GLB1: variants seen among roughly 807,000 people sequenced by gnomAD.
GLB1 encodes the protein galactosidase beta 1.
In GLB1, 56 loss-of-function variants were observed where a neutral mutation model predicts 74.0. The ratio of observed to expected loss-of-function variants is 0.76; its 90% CI spans 0.61 to 0.94. The LOEUF (loss-of-function observed/expected upper bound fraction) is 0.94. Ranked by LOEUF, GLB1 falls within the 40% of genes least tolerant of loss-of-function variation. The pLI, the probability that GLB1 is intolerant of heterozygous loss-of-function variation, is 0.00. For missense variants in GLB1, 787 were observed against 845.5 expected (o/e 0.93, Z 0.86); for synonymous variants, 323 against 323.6 (o/e 1.00, Z 0.02).
At position 33,004,466 on chromosome 3, in the gene GLB1, T is replaced by C. The variant is rs575999815; in HGVS notation, c.1735-7122A>G. The stretch of plus-strand genomic sequence containing the variant: ...TCCATGGTCAGAAGGTGCCTAAGCA[T>C]GCTACTTTTCAGGAAAGTGAGTGAC... On this transcript the variant is annotated intron_variant, in intron 15 of 15. Coordinates refer to ENST00000307363, the MANE Select transcript of GLB1 (RefSeq NM_000404.4). Among the ~76,000 whole-genome samples, 45 of 152,358 alleles carry C rather than the reference T, an allele frequency of 3.0e-4. 1 individual carries two copies. The highest frequency in any genetic ancestry group is 8.3e-4 in the South Asian group (4 of 4,826).
chr3:33,074,250 C>T (rs949709445), intron 1 of GLB1, among the ~76,000 whole-genome samples: 26 of 147,870 alleles, frequency 1.8e-4, no homozygotes, highest in South Asian at 8.7e-4. Context: ...GTGGAGGTTG[C>T]GGTGAGCCGA....
At chr3:33,009,266 G>A (rs996987068) in intron 15 of GLB1, among the ~76,000 whole-genome samples, 3 of 152,168 alleles carry the variant, frequency 2.0e-5, no homozygotes, top group African/African-American at 2.4e-5. Flanking sequence ...GTTCATGCCT[G>A]TAATCCCAGC....
chr3:33,091,264 CG>C (rs1264285678), intron 1 of GLB1: 8 of 985,448 alleles, frequency 8.1e-6, no homozygotes, highest in Non-Finnish European at 8.4e-6. Context: ...CTGTCAATAC[CG>C]TGGCTGCCTG....
At chr3:33,063,827 G>A (rs60749629) in intron 5 of GLB1, among the ~76,000 whole-genome samples, 9,403 of 152,048 alleles carry the variant, frequency 0.062, 481 homozygotes, top group East Asian at 0.25. Flanking sequence ...TAAAAACTAG[G>A]GGCACGTGGG....
chr3:33,065,470 G>A lies in GLB1; in HGVS notation c.545C>T (p.Thr182Ile), dbSNP rs758577863. 1.3e-6 allele frequency: 2 copies of A among 1,580,026 alleles called. No individual in the cohort carries two copies. Among genetic ancestry groups the A allele is most frequent in the African/African-American group, 1.3e-5 (1 of 74,474 alleles). The change falls in exon 5 of 16, where the codon ACA (threonine) becomes ATA (isoleucine). Residue 182 changes from threonine to isoleucine, a missense_variant. Coordinates refer to ENST00000307363, the MANE Select transcript of GLB1 (RefSeq NM_000404.4). ...GCTCAACTCCAGGGTTACCTGCACT[G>A]TTATAACTGGCCCTCCATTCTGATA... is the stretch of plus-strand genomic sequence containing the variant. ...LLYQNGGPVI[T>I]VQVENEYGSY...
chr3:32,984,239 A>G, the GLB1 span, among the ~76,000 whole-genome samples: 3 of 151,956 alleles, frequency 2.0e-5, no homozygotes, highest in Admixed American at 6.6e-5. Flanking sequence ...CTCAGCATCA[A>G]GGTACTTGTC....
chr3:33,033,510 G>A (rs922404890), intron 10 of GLB1, among the ~76,000 whole-genome samples: 4 of 152,078 alleles, frequency 2.6e-5, no homozygotes, highest in Non-Finnish European at 5.9e-5. Flanking sequence ...AGGCTAGGCG[G>A]GGTGGCTCAC....
chr3:33,096,796 C>T (rs1483739333), intron 1 of GLB1: 25 of 1,348,870 alleles, frequency 1.9e-5, no homozygotes, highest in Non-Finnish European at 2.4e-5. Flanking sequence ...CACAAGCGAC[C>T]GAGCTGCCTG....
chr3:33,055,197 C>T (rs35079906), intron 6 of GLB1, among the ~76,000 whole-genome samples: 17,841 of 152,284 alleles, frequency 0.12, 1,212 homozygotes, highest in Admixed American at 0.17. Context: ...GCCCATCTGC[C>T]CCAGGCACCC....
rs142561099 is a variant in GLB1 at position 33,023,082 on chromosome 3, TA to T, written c.1143+1168del. 2.8e-4 allele frequency among the ~76,000 whole-genome samples: 42 copies of T among 152,386 alleles called. No homozygotes were observed. In the East Asian group the frequency reaches 7.7e-3, roughly 28 times the overall value. ...CTGATTTGCTATCTTCAACTGTATA[TA>T]TTTATTTAAAAATAAAAAGTCATTT... is the stretch of plus-strand genomic sequence containing the variant. On this transcript the variant is annotated intron_variant, in intron 11 of 15. Coordinates refer to ENST00000307363, the MANE Select transcript of GLB1 (RefSeq NM_000404.4).
chr3:33,051,368 G>A lies in GLB1; in HGVS notation c.955+390C>T, dbSNP rs546075835. 5.3e-5 allele frequency among the ~76,000 whole-genome samples: 8 copies of A among 151,782 alleles called. No homozygotes were observed. The South Asian group carries it at 1.7e-3, about 32-fold the overall frequency. On this transcript the variant is annotated intron_variant, in intron 9 of 15. Transcript: ENST00000307363. ...TCCTAGCATTTTGGGAGGCCAAAGT[G>A]GGAGGATCACTTGAGGTCAAGAGTT...
At chr3:33,043,072 A>G (rs1698569658) in intron 10 of GLB1, among the ~76,000 whole-genome samples, 1 of 152,252 alleles carries the variant, frequency 6.6e-6, no homozygotes, top group South Asian at 2.1e-4. Context: ...ACATGACAAT[A>G]ATAACATACA....
At position 33,006,420 on chromosome 3, in the gene GLB1, C is replaced by A. The variant is rs536778028; in HGVS notation, c.1734+7636G>T. 7.3e-5 allele frequency among the ~76,000 whole-genome samples: 11 copies of A among 150,052 alleles called. No individual in the cohort carries two copies. The South Asian group carries it at 2.3e-3, about 31-fold the overall frequency. ...AGTTTCATCCCAAAACCATTTCCAC[C>A]CCCCCACCCCTGACCACACAGTCCA... On this transcript the variant is annotated intron_variant, in intron 15 of 15. Coordinates refer to ENST00000307363, the MANE Select transcript of GLB1 (RefSeq NM_000404.4).
intron 10 of GLB1, among the ~76,000 whole-genome samples, chr3:33,041,411 C>T (rs1698494213): frequency 6.6e-6 from 1 of 152,120 alleles, no homozygotes; most frequent in Non-Finnish European, 1.5e-5. Flanking sequence ...CCTGTAATCC[C>T]AGCACTTCGG....
chr3:32,970,408 A>T, the GLB1 span, among the ~76,000 whole-genome samples: 1 of 152,180 alleles, frequency 6.6e-6, no homozygotes, highest in Non-Finnish European at 1.5e-5. Context: ...GATTAAAGGT[A>T]ATCTCTGTAA....
chr3:33,071,462 A>G (rs1015917489), intron 2 of GLB1, among the ~76,000 whole-genome samples: 3 of 152,240 alleles, frequency 2.0e-5, no homozygotes, highest in African/African-American at 7.2e-5. Flanking sequence ...AAAGAGATGC[A>G]GAGAGATAGC....
At chr3:33,053,359 G>T in intron 7 of GLB1, 132 bp downstream of exon 7, 4 of 1,259,718 alleles carry the variant, frequency 3.2e-6, no homozygotes, top group East Asian at 2.4e-5. Context: ...GTCCAGAATG[G>T]CTATGACTCC....
At chr3:32,982,351 A>G in the GLB1 span, among the ~76,000 whole-genome samples, 617 of 151,430 alleles carry the variant, frequency 4.1e-3, 25 homozygotes, top group East Asian at 0.1. Context: ...CATAGATTAT[A>G]TTTATACTAC....
Position 33,097,078 on chromosome 3 carries a change from C to A in GLB1, c.8G>T (p.Gly3Val), listed in dbSNP as rs754282039. 30 of 1,612,464 alleles carry A rather than the reference C, an allele frequency of 1.9e-5. No individual in the cohort carries two copies. Among genetic ancestry groups the A allele is most frequent in the Middle Eastern group, 3.3e-4 (2 of 6,078 alleles). Residue 3 changes from glycine to valine, a missense_variant, in exon 1 of 16, where the codon GGG becomes GTG. Transcript: ENST00000307363. MP[G>V]FLVRILPLLL... ...CAGAGGGAGGATGCGAACCAGGAACCCCGGCATGACCACCAGCCTCCCGGC... is the reference window on the plus strand; with the variant it reads ...CAGAGGGAGGATGCGAACCAGGAACACCGGCATGACCACCAGCCTCCCGGC...
Sources: gnomAD v4.1 joint callset for allele counts (sites outside exome capture counted in the v4.1 genomes callset) on GRCh38, gnomAD v4.1.1 for gene constraint, MANE v1.5 for transcripts, NCBI Gene and HGNC (gene_info 2026-07-23, HGNC 2026-07-21) for gene names.